Variants in DPYD observed in about 807,000 individuals in gnomAD.
The protein encoded by DPYD is dihydropyrimidine dehydrogenase.
In DPYD, 109 loss-of-function variants were observed where a neutral mutation model predicts 116.2. The ratio of observed to expected loss-of-function variants is 0.94; its 90% CI spans 0.80 to 1.10. DPYD has a LOEUF of 1.10. DPYD is among the 50% of genes least tolerant of loss of function. The pLI, the probability that DPYD is intolerant of heterozygous loss-of-function variation, is 0.00. For missense variants in DPYD, 1,302 were observed against 1,254.5 expected (o/e 1.04, Z -0.57); for synonymous variants, 440 against 432.0 (o/e 1.02, Z -0.23).
chr1:97,264,181 T>C (rs1413579936), intron 18 of DPYD, among the ~76,000 whole-genome samples: 3 of 130,692 alleles, frequency 2.3e-5, no homozygotes, highest in Non-Finnish European at 4.9e-5. Context: ...TTTTTTTTTT[T>C]TTTTTTTTTT....
chr1:97,326,537 T>C (rs1352956039), intron 16 of DPYD, among the ~76,000 whole-genome samples: 1 of 151,870 alleles, frequency 6.6e-6, no homozygotes, highest in African/African-American at 2.4e-5. Flanking sequence ...AGAATCCTTA[T>C]AATGGTCAGA....
intron 14 of DPYD, among the ~76,000 whole-genome samples, chr1:97,416,420 T>C (rs1216357575): frequency 2.0e-5 from 3 of 152,150 alleles, no homozygotes; most frequent in African/African-American, 7.2e-5. Context: ...ACTGAGAAAA[T>C]GTTTTACTCT....
chr1:97,603,558 C>A (rs942178650), intron 8 of DPYD, among the ~76,000 whole-genome samples: 2 of 152,098 alleles, frequency 1.3e-5, no homozygotes, highest in Non-Finnish European at 2.9e-5. Context: ...ACCATAAACA[C>A]ACATTCCGTA....
chr1:97,243,239 C>A (rs1662495254), intron 18 of DPYD, among the ~76,000 whole-genome samples: 2 of 151,832 alleles, frequency 1.3e-5, no homozygotes. Context: ...TATAGTTTTC[C>A]AACAGATACC....
At chr1:97,143,757 T>A (rs1282963579) in intron 20 of DPYD, among the ~76,000 whole-genome samples, 1 of 152,166 alleles carries the variant, frequency 6.6e-6, no homozygotes, top group African/African-American at 2.4e-5. Context: ...GAGTCAACTT[T>A]AAACAAAAAA....
chr1:97,574,420 G>T (rs542154471), intron 10 of DPYD, among the ~76,000 whole-genome samples: 13 of 152,206 alleles, frequency 8.5e-5, no homozygotes, highest in African/African-American at 3.1e-4. Context: ...ATCTGTGCAA[G>T]TACATGATTA....
At chr1:97,804,510 G>C (rs1667992491) in intron 3 of DPYD, among the ~76,000 whole-genome samples, 1 of 151,638 alleles carries the variant, frequency 6.6e-6, no homozygotes, top group African/African-American at 2.4e-5. Context: ...ACATTAATTA[G>C]ACAAATTCTA....
chr1:97,160,084 T>C (rs1031011159), intron 20 of DPYD, among the ~76,000 whole-genome samples: 9 of 152,076 alleles, frequency 5.9e-5, no homozygotes, highest in Admixed American at 6.6e-5. Context: ...CAAGAGTCAT[T>C]GTAATAACCA....
chr1:97,471,856 C>T (rs937839945), intron 13 of DPYD, among the ~76,000 whole-genome samples: 3 of 152,206 alleles, frequency 2.0e-5, no homozygotes, highest in African/African-American at 7.2e-5. Context: ...TCCCAAAGTG[C>T]TGGGATTACA....
At position 97,371,548 on chromosome 1, in the gene DPYD, G is replaced by A. The variant is rs557365989; in HGVS notation, c.2058+2013C>T. Reference sequence around the variant, plus strand: ...AGAGAAGGGGTAAAAGGAACTAGAGGAAAAGGCAAATAAGCCCAAGTGTGT... The same window carrying A: ...AGAGAAGGGGTAAAAGGAACTAGAGAAAAAGGCAAATAAGCCCAAGTGTGT... On this transcript the variant is annotated intron_variant, in intron 16 of 22. Transcript: ENST00000370192. 9.9e-5 allele frequency among the ~76,000 whole-genome samples: 15 copies of A among 152,252 alleles called. 1 individual carries two copies. Among genetic ancestry groups the A allele is most frequent in the Admixed American group, 6.5e-4 (10 of 15,284 alleles).
intron 19 of DPYD, among the ~76,000 whole-genome samples, chr1:97,209,782 G>A (rs1194321626): frequency 1.3e-5 from 2 of 152,064 alleles, no homozygotes; most frequent in Non-Finnish European, 2.9e-5. Context: ...TATCTGACAG[G>A]TCTATCACTG....
intron 11 of DPYD, among the ~76,000 whole-genome samples, chr1:97,568,282 A>C (rs2102162102): frequency 6.6e-6 from 1 of 152,292 alleles, no homozygotes; most frequent in East Asian, 1.9e-4. Context: ...TAGCTACATA[A>C]AAGTTAATAT....
intron 20 of DPYD, among the ~76,000 whole-genome samples, chr1:97,129,076 T>C (rs1347238048): frequency 1.4e-5 from 2 of 146,302 alleles, no homozygotes; most frequent in Admixed American, 1.4e-4. Context: ...ATTCTTTTTT[T>C]TTTTTTTTTA....
At chr1:97,735,719 TAAATAAA>T (rs1663902136) in intron 4 of DPYD, among the ~76,000 whole-genome samples, 1 of 147,514 alleles carries the variant, frequency 6.8e-6, no homozygotes, top group African/African-American at 2.5e-5. Context: ...AATAAATAAA[TAAATAAA>T]TAAAACAATA....
chr1:97,118,892 A>G (rs924973911), intron 20 of DPYD, among the ~76,000 whole-genome samples: 8 of 152,154 alleles, frequency 5.3e-5, no homozygotes, highest in Non-Finnish European at 1.2e-4. Flanking sequence ...CTGAGGATTG[A>G]TGTTGAATGA....
In DPYD at chr1:97,103,975, A is replaced by C. The variant is rs529122573; in HGVS notation, c.2623-5343T>G. On this transcript the variant is annotated intron_variant, in intron 20 of 22. Coordinates refer to ENST00000370192, the MANE Select transcript of DPYD (RefSeq NM_000110.4). ...CCATCTTGTCTTTTTCACCTGGTAC[A>C]TGCCAATTAGGCTATTTAGTTTCAG... 2.0e-5 allele frequency among the ~76,000 whole-genome samples: 3 copies of C among 152,190 alleles called. No individual in the cohort carries two copies. The East Asian group carries it at 5.8e-4, about 29-fold the overall frequency.
intron 13 of DPYD, among the ~76,000 whole-genome samples, chr1:97,489,430 T>C (rs1463566258): frequency 6.6e-6 from 1 of 152,206 alleles, no homozygotes; most frequent in Admixed American, 6.5e-5. Flanking sequence ...GTGATAAAAC[T>C]GTCTAGACCT....
intron 1 of DPYD, among the ~76,000 whole-genome samples, chr1:97,914,208 A>AGATC: frequency 1.3e-5 from 2 of 152,300 alleles, no homozygotes; most frequent in East Asian, 3.9e-4. Flanking sequence ...TCTCTCAGTA[A>AGATC]GATCACACTT....
At chr1:97,577,038 T>C (rs528954076) in intron 10 of DPYD, among the ~76,000 whole-genome samples, 4 of 152,210 alleles carry the variant, frequency 2.6e-5, no homozygotes, top group Non-Finnish European at 5.9e-5. Flanking sequence ...GAGAGTGAGA[T>C]CATGTTAAGA....
Sources: allele counts gnomAD v4.1 joint callset (sites outside exome capture counted in the v4.1 genomes callset), GRCh38; gene constraint gnomAD v4.1.1; transcripts MANE v1.5; gene names NCBI Gene and HGNC (gene_info 2026-07-23, HGNC 2026-07-21).